The following GALNT14 variants were observed in gnomAD, a reference collection of about 807,000 sequenced individuals.
GALNT14 encodes UDP-GalNAc:polypeptide N-acetylgalactosaminyltransferase 14.
A neutral mutation model predicts 77.5 loss-of-function variants in GALNT14; 60 were observed. The ratio of observed to expected loss-of-function variants is 0.77; its 90% CI spans 0.63 to 0.96. The LOEUF (loss-of-function observed/expected upper bound fraction) is 0.96. GALNT14 is among the 40% of genes least tolerant of loss of function. The pLI, the probability that GALNT14 is intolerant of heterozygous loss-of-function variation, is 0.00. For missense variants in GALNT14, 710 were observed against 731.0 expected, an observed-to-expected ratio of 0.97 and a Z score of 0.33; for synonymous variants, 280 against 281.7, an observed-to-expected ratio of 0.99 and a Z score of 0.06.
At chr2:31,017,735 C>T (rs1220126457) in intron 1 of GALNT14, among the ~76,000 whole-genome samples, 5 of 152,066 alleles carry the variant, frequency 3.3e-5, no homozygotes, top group African/African-American at 2.4e-5. Flanking sequence ...ATGCCAGCAC[C>T]GCTGCACAGG....
chr2:30,966,295 G>A lies in GALNT14; in HGVS notation c.307C>T (p.Leu103=). The A allele has an allele frequency of 6.2e-7, 1 of 1,612,808 alleles. No individual in the cohort carries two copies. Among genetic ancestry groups the A allele is most frequent in the African/African-American group, 1.3e-5 (1 of 75,010 alleles). ...GGAAGGTCCGTGCAATACACCAGCA[G>A]TGTGCATCTGGGGAAGGAAAGGCAC... is the stretch of plus-strand genomic sequence containing the variant. The part of the protein sequence containing the change: ...IPDTRHLRCT[L]LVYCTDLPPT... The change falls in exon 3 of 15, where the codon CTG becomes TTG. Residue 103 remains leucine, a synonymous_variant. Coordinates refer to ENST00000349752, the MANE Select transcript of GALNT14 (RefSeq NM_024572.4).
At chr2:30,974,124 G>A (rs1413627467) in intron 2 of GALNT14, among the ~76,000 whole-genome samples, 1 of 152,132 alleles carries the variant, frequency 6.6e-6, no homozygotes, top group African/African-American at 2.4e-5. Flanking sequence ...CCACACCTCA[G>A]CCAAGCCTGC....
intron 1 of GALNT14, among the ~76,000 whole-genome samples, chr2:31,022,904 G>T (rs1401496375): frequency 6.6e-6 from 1 of 152,170 alleles, no homozygotes; most frequent in Non-Finnish European, 1.5e-5. Flanking sequence ...CCAGGCTACT[G>T]CTATCAGCAT....
intron 1 of GALNT14, among the ~76,000 whole-genome samples, chr2:31,051,439 TG>T (rs372755541): frequency 6.2e-4 from 95 of 152,314 alleles, no homozygotes; most frequent in African/African-American, 2.2e-3. Flanking sequence ...GAAGGAAAAT[TG>T]CCTCAAGGCT....
At chr2:31,012,714 G>C (rs1013359900) in intron 1 of GALNT14, among the ~76,000 whole-genome samples, 1 of 152,070 alleles carries the variant, frequency 6.6e-6, no homozygotes, top group African/African-American at 2.4e-5. Flanking sequence ...ATGCCCCTGT[G>C]TGGGTGGGGC....
intron 1 of GALNT14, among the ~76,000 whole-genome samples, chr2:31,113,996 C>T (rs911031266): frequency 6.6e-6 from 1 of 152,152 alleles, no homozygotes; most frequent in African/African-American, 2.4e-5. Flanking sequence ...ACACACAACT[C>T]TCCCTCCCAG....
At chr2:31,048,615 C>A (rs1673639276) in intron 1 of GALNT14, among the ~76,000 whole-genome samples, 1 of 150,026 alleles carries the variant, frequency 6.7e-6, no homozygotes. Context: ...TCCCCTGCCT[C>A]CCCTGCCTCC....
rs558463828 is a variant in GALNT14, at chr2:30,922,408, A to G, written c.1380+1711T>C. 2.0e-5 allele frequency among the ~76,000 whole-genome samples: 3 copies of G among 152,336 alleles called. No individual in the cohort carries two copies. The South Asian group carries it at 6.2e-4, about 32-fold the overall frequency. ...TCCCAGAACAAAACATAACCTCTTC[A>G]GCACAGGAAGAGAGACCAGGATTCA... On this transcript the variant is annotated intron_variant, in intron 13 of 14. Transcript: ENST00000349752.
chr2:30,904,802 A>C, the GALNT14 span, among the ~76,000 whole-genome samples: 2 of 152,180 alleles, frequency 1.3e-5, no homozygotes, highest in East Asian at 3.9e-4. Flanking sequence ...TGCAGACTTA[A>C]ATGTCCCTGT....
At chr2:30,976,613 GTGTGTGTA>G (rs56980480) in intron 2 of GALNT14, among the ~76,000 whole-genome samples, 3,710 of 134,034 alleles carry the variant, frequency 0.028, 140 homozygotes, top group African/African-American at 0.13. Flanking sequence ...GTGCGTGTGC[GTGTGTGTA>G]TGTGTGTGTG....
chr2:30,999,827 T>C (rs948887299), intron 1 of GALNT14, among the ~76,000 whole-genome samples: 4 of 152,228 alleles, frequency 2.6e-5, no homozygotes, highest in Non-Finnish European at 5.9e-5. Flanking sequence ...AAATAAAATA[T>C]GGTGTGGAGC....
Position 30,955,915 on chromosome 2 carries a change from G to A in GALNT14, c.529C>T (p.Gln177Ter). 1 of 1,613,926 alleles carries A rather than the reference G, an allele frequency of 6.2e-7. No homozygotes were observed. The highest frequency in any genetic ancestry group is 2.2e-5 in the East Asian group (1 of 44,880). The change falls in exon 5 of 15, where the codon CAA becomes TAA. Residue 177 changes from glutamine (Q) to a stop codon, truncating the protein, a stop_gained. Coordinates refer to ENST00000349752, the MANE Select transcript of GALNT14 (RefSeq NM_024572.4). LOFTEE classifies it high-confidence loss of function. ...CCGCACAACAGCTCAGACCTACCTT[G>A]CCGTTCATTATTGCGCAAGCATTTC... ...KVKCLRNNER[Q>*]GLVRSRIRGA... is the part of the protein sequence containing the mutation.
the GALNT14 span, among the ~76,000 whole-genome samples, chr2:30,897,575 GAGA>G: frequency 1.3e-5 from 2 of 152,228 alleles, no homozygotes; most frequent in East Asian, 1.9e-4. Flanking sequence ...GCCTCCCCAT[GAGA>G]AGAAGGGAGC....
chr2:31,074,371 C>A (rs1675618288), intron 1 of GALNT14, among the ~76,000 whole-genome samples: 1 of 151,812 alleles, frequency 6.6e-6, no homozygotes, highest in Non-Finnish European at 1.5e-5. Context: ...GCGCTAGGCA[C>A]ACAGGGGTTC....
the GALNT14 span, among the ~76,000 whole-genome samples, chr2:30,904,906 G>GA: frequency 1.3e-5 from 2 of 152,056 alleles, no homozygotes; most frequent in Admixed American, 6.5e-5. Flanking sequence ...CCTGACCCCT[G>GA]ACCCCTGAGC....
chr2:30,974,355 C>G (rs1453338636), intron 2 of GALNT14, among the ~76,000 whole-genome samples: 1 of 152,224 alleles, frequency 6.6e-6, no homozygotes, highest in Non-Finnish European at 1.5e-5. Flanking sequence ...TTCAATCTAC[C>G]CTGCATGCTG....
intron 1 of GALNT14, among the ~76,000 whole-genome samples, chr2:31,089,322 C>A (rs1676611408): frequency 6.6e-6 from 1 of 152,030 alleles, no homozygotes; most frequent in African/African-American, 2.4e-5. Flanking sequence ...TCTTTTGAGT[C>A]CCCCACAGTA....
chr2:30,964,358 C>G (rs1330679792), intron 3 of GALNT14, among the ~76,000 whole-genome samples: 4 of 152,194 alleles, frequency 2.6e-5, no homozygotes, highest in Admixed American at 1.3e-4. Context: ...ACCTCCACCT[C>G]CCTGTGTGTC....
the GALNT14 span, among the ~76,000 whole-genome samples, chr2:30,902,647 G>A: frequency 1.1e-4 from 16 of 152,264 alleles, no homozygotes; most frequent in African/African-American, 3.9e-4. Context: ...GACTTTATAA[G>A]GGTAGGAAAA....
Sources: allele counts gnomAD v4.1 joint callset (sites outside exome capture counted in the v4.1 genomes callset), GRCh38; gene constraint gnomAD v4.1.1; transcripts MANE v1.5; gene names NCBI Gene and HGNC (gene_info 2026-07-23, HGNC 2026-07-21).